The following NR2F1-AS1 variants were observed in gnomAD, a reference collection of about 807,000 sequenced individuals.
NR2F1-AS1 encodes the protein NR2F1 regulatory antisense RNA 1.
intron 4 of NR2F1-AS1, among the ~76,000 whole-genome samples, chr5:93,463,166 C>A (rs951905765): frequency 9.2e-5 from 14 of 152,176 alleles, no homozygotes; most frequent in Admixed American, 5.9e-4. Context: ...ACAGGGCCCC[C>A]CTGCTGTATG....
intron 4 of NR2F1-AS1, chr5:93,544,945 A>C (rs933548476): frequency 6.7e-6 from 1 of 149,732 alleles, no homozygotes; most frequent in Non-Finnish European, 1.5e-5. Flanking sequence ...AAAAAGAGTT[A>C]TTCTGTAGGT....
chr5:93,572,679 C>T (rs1752800820), intron 1 of NR2F1-AS1, among the ~76,000 whole-genome samples: 1 of 152,190 alleles, frequency 6.6e-6, no homozygotes, highest in Non-Finnish European at 1.5e-5. Flanking sequence ...CTGCCTTTTC[C>T]CCCCACCGAG....
chr5:93,460,009 A>G (rs1750054804), intron 4 of NR2F1-AS1, among the ~76,000 whole-genome samples: 1 of 152,194 alleles, frequency 6.6e-6, no homozygotes, highest in South Asian at 2.1e-4. Context: ...AAAATTTTAA[A>G]ATACTGTCCA....
chr5:93,522,526 T>A (rs139174639), intron 4 of NR2F1-AS1, among the ~76,000 whole-genome samples: 6 of 152,050 alleles, frequency 3.9e-5, no homozygotes, highest in African/African-American at 1.4e-4. Flanking sequence ...AGTACAAACA[T>A]AGAATGTGAA....
At chr5:93,518,820 G>A (rs1269617655) in intron 4 of NR2F1-AS1, among the ~76,000 whole-genome samples, 2 of 152,074 alleles carry the variant, frequency 1.3e-5, no homozygotes, top group Admixed American at 1.3e-4. Flanking sequence ...GGGGACTGAT[G>A]TCAAAGCTGA....
intron 1 of NR2F1-AS1, among the ~76,000 whole-genome samples, chr5:93,578,766 G>T (rs1752953635): frequency 6.6e-6 from 1 of 152,234 alleles, no homozygotes; most frequent in Admixed American, 6.5e-5. Context: ...AGCTGAGCGT[G>T]CCTGGACAAG....
intron 4 of NR2F1-AS1, among the ~76,000 whole-genome samples, chr5:93,445,641 T>C (rs766512889): frequency 6.6e-6 from 1 of 152,046 alleles, no homozygotes; most frequent in Non-Finnish European, 1.5e-5. Flanking sequence ...GCTGGTACCA[T>C]TCCTTCTGAA....
chr5:93,581,727 T>TCC (rs1753053183), upstream of NR2F1-AS1, among the ~76,000 whole-genome samples: 6 of 44,106 alleles, frequency 1.4e-4, 1 homozygote, highest in African/African-American at 8.1e-4. Flanking sequence ...TCTCTCTCTC[T>TCC]CTCTCTCCCC....
At chr5:93,434,157 C>G (rs1436868598) in intron 4 of NR2F1-AS1, among the ~76,000 whole-genome samples, 1 of 151,974 alleles carries the variant, frequency 6.6e-6, no homozygotes, top group Non-Finnish European at 1.5e-5. Context: ...AAACTATTGG[C>G]TTTTGCCTTT....
chr5:93,493,340 A>G (rs1750890769), intron 4 of NR2F1-AS1, among the ~76,000 whole-genome samples: 2 of 152,112 alleles, frequency 1.3e-5, no homozygotes, highest in Non-Finnish European at 2.9e-5. Flanking sequence ...AAGGAAGTGA[A>G]AGACATACAC....
At chr5:93,449,093 A>G (rs1749776301) in intron 4 of NR2F1-AS1, among the ~76,000 whole-genome samples, 2 of 152,110 alleles carry the variant, frequency 1.3e-5, no homozygotes, top group South Asian at 4.1e-4. Context: ...CTGTTTATAT[A>G]AAGTATCTAA....
chr5:93,453,092 AG>A (rs1413022826), intron 4 of NR2F1-AS1, among the ~76,000 whole-genome samples: 1 of 152,208 alleles, frequency 6.6e-6, no homozygotes, highest in African/African-American at 2.4e-5. Flanking sequence ...AGAATGCAGT[AG>A]AAAACATGAA....
intron 4 of NR2F1-AS1, among the ~76,000 whole-genome samples, chr5:93,547,361 CTTT>C (rs1349058459): frequency 5.3e-5 from 8 of 152,142 alleles, no homozygotes; most frequent in Admixed American, 2.0e-4. Flanking sequence ...TTATGTTCTT[CTTT>C]GATATCAATA....
At chr5:93,469,371 A>C (rs1750317267) in intron 4 of NR2F1-AS1, among the ~76,000 whole-genome samples, 2 of 152,126 alleles carry the variant, frequency 1.3e-5, no homozygotes. Flanking sequence ...AAGGTTCATT[A>C]ATACTAAGGT....
chr5:93,432,579 T>C (rs899776888), intron 4 of NR2F1-AS1: 2 of 152,210 alleles, frequency 1.3e-5, no homozygotes, highest in Non-Finnish European at 2.9e-5. Context: ...GCATTGGGTT[T>C]GGTTACCCTT....
chr5:93,427,593 C>CA (rs1233727262), intron 4 of NR2F1-AS1, among the ~76,000 whole-genome samples: 1 of 152,168 alleles, frequency 6.6e-6, no homozygotes, highest in Non-Finnish European at 1.5e-5. Context: ...CTACTCTCAG[C>CA]ACCCAGATTT....
At chr5:93,554,663 T>C (rs1752312011) in intron 3 of NR2F1-AS1, among the ~76,000 whole-genome samples, 1 of 152,202 alleles carries the variant, frequency 6.6e-6, no homozygotes, top group South Asian at 2.1e-4. Flanking sequence ...TAAGTGCCTA[T>C]GATGAGCAAG....
chr5:93,562,779 G>A (rs1752523339), intron 2 of NR2F1-AS1, among the ~76,000 whole-genome samples: 1 of 152,170 alleles, frequency 6.6e-6, no homozygotes, highest in Non-Finnish European at 1.5e-5. Flanking sequence ...AATTGGGGCA[G>A]GGAGTATGCC....
intron 4 of NR2F1-AS1, among the ~76,000 whole-genome samples, chr5:93,425,029 T>G (rs1478703330): frequency 6.6e-6 from 1 of 152,240 alleles, no homozygotes; most frequent in East Asian, 1.9e-4. Flanking sequence ...GTACGCTACA[T>G]ATAAATTCTG....
Sources: allele counts gnomAD v4.1 joint callset (sites outside exome capture counted in the v4.1 genomes callset), GRCh38; gene constraint gnomAD v4.1.1; transcripts MANE v1.5; gene names NCBI Gene and HGNC (gene_info 2026-07-23, HGNC 2026-07-21).